LRMDA: variants seen among roughly 807,000 people sequenced by gnomAD.
LRMDA encodes the protein leucine rich melanocyte differentiation associated, also known as leucine-rich melanocyte differentiation-associated protein.
In LRMDA, 18 loss-of-function variants were observed where a neutral mutation model predicts 29.8. That is an observed-to-expected ratio of 0.60 (90% CI 0.42 to 0.90). The LOEUF (loss-of-function observed/expected upper bound fraction) is 0.90, where lower values mean the gene tolerates loss of function less well. Ranked by LOEUF, LRMDA falls within the 40% of genes least tolerant of loss-of-function variation. LRMDA has a pLI of 0.00. For synonymous variants in LRMDA, 125 were observed against 109.4 expected (o/e 1.14, Z -0.89); for missense variants, 273 against 273.9 (o/e 1.00, Z 0.02).
intron 2 of LRMDA, among the ~76,000 whole-genome samples, chr10:75,490,646 T>G (rs1844975266): frequency 6.6e-6 from 1 of 152,182 alleles, no homozygotes; most frequent in Non-Finnish European, 1.5e-5. Flanking sequence ...AGAGAGGCAT[T>G]GATTATCCCA....
At chr10:76,255,388 G>T (rs1852574948) in intron 5 of LRMDA, among the ~76,000 whole-genome samples, 1 of 152,146 alleles carries the variant, frequency 6.6e-6, no homozygotes, top group Non-Finnish European at 1.5e-5. Flanking sequence ...TGTTGGAAAT[G>T]ATACCTAGAA....
chr10:75,543,641 C>T (rs1589176086), intron 2 of LRMDA, among the ~76,000 whole-genome samples: 1 of 152,242 alleles, frequency 6.6e-6, no homozygotes, highest in African/African-American at 2.4e-5. Flanking sequence ...ATTATTTACT[C>T]CAGGATTCTG....
intron 2 of LRMDA, among the ~76,000 whole-genome samples, chr10:75,765,099 G>A (rs1036111473): frequency 2.0e-5 from 3 of 152,044 alleles, no homozygotes; most frequent in Non-Finnish European, 4.4e-5. Context: ...ATGCTGACTT[G>A]GTGAATACTT....
At chr10:76,109,576 T>C (rs1244642223) in intron 5 of LRMDA, among the ~76,000 whole-genome samples, 2 of 152,238 alleles carry the variant, frequency 1.3e-5, no homozygotes, top group Non-Finnish European at 1.5e-5. Context: ...CAGTTCTTTC[T>C]CTTTTTGCTT....
intron 6 of LRMDA, among the ~76,000 whole-genome samples, chr10:76,414,516 G>A (rs1841995319): frequency 6.6e-6 from 1 of 152,246 alleles, no homozygotes; most frequent in South Asian, 2.1e-4. Context: ...TTGAGATTAA[G>A]AATTAGTAAT....
At chr10:76,387,698 G>T (rs934130057) in intron 6 of LRMDA, among the ~76,000 whole-genome samples, 4 of 151,914 alleles carry the variant, frequency 2.6e-5, no homozygotes, top group African/African-American at 7.3e-5. Flanking sequence ...TTAAGTGAAA[G>T]CAAGATTATT....
At chr10:76,132,985 T>A (rs1296448905) in intron 5 of LRMDA, among the ~76,000 whole-genome samples, 2 of 141,140 alleles carry the variant, frequency 1.4e-5, no homozygotes, top group Non-Finnish European at 3.1e-5. Context: ...TTTTTTTTTT[T>A]TTTTTTTTTG....
intron 5 of LRMDA, among the ~76,000 whole-genome samples, chr10:76,232,455 G>C (rs1324556195): frequency 2.0e-5 from 3 of 152,200 alleles, no homozygotes; most frequent in Non-Finnish European, 2.9e-5. Flanking sequence ...CCTCTTCATA[G>C]GGGAGAAGAG....
At chr10:76,434,238 T>A (rs1350350811) in intron 6 of LRMDA, among the ~76,000 whole-genome samples, 2 of 152,140 alleles carry the variant, frequency 1.3e-5, no homozygotes, top group Non-Finnish European at 2.9e-5. Context: ...AACAGACATC[T>A]CCTCCTGCCC....
chr10:75,492,169 G>A (rs1844996350), intron 2 of LRMDA, among the ~76,000 whole-genome samples: 1 of 152,206 alleles, frequency 6.6e-6, no homozygotes, highest in South Asian at 2.1e-4. Context: ...ATGTGACCAT[G>A]GTGCCTTGGC....
chr10:75,786,359 T>C (rs2132247871), intron 2 of LRMDA, among the ~76,000 whole-genome samples: 1 of 152,214 alleles, frequency 6.6e-6, no homozygotes, highest in East Asian at 1.9e-4. Flanking sequence ...ACCTAAATGG[T>C]ATCTAGCTAA....
Position 76,005,250 on chromosome 10 carries a change from A to C in LRMDA, c.132-30758A>C, listed in dbSNP as rs534870072. ...TGCTTTCTCTTTACAATTCTGATAC[A>C]TTATGCATGTCTTTCAATACATATT... On this transcript the variant is annotated intron_variant, in intron 2 of 6. Transcript: ENST00000611255. Among the ~76,000 whole-genome samples the C allele has an allele frequency of 2.0e-5, 3 of 152,258 alleles. No homozygotes were observed. In the South Asian group the frequency reaches 6.2e-4, roughly 32 times the overall value.
chr10:75,487,560 A>G (rs1253637642), intron 2 of LRMDA, among the ~76,000 whole-genome samples: 1 of 152,186 alleles, frequency 6.6e-6, no homozygotes, highest in Non-Finnish European at 1.5e-5. Context: ...GGAGGTTTTT[A>G]AGTACAATCT....
intron 2 of LRMDA, among the ~76,000 whole-genome samples, chr10:75,578,662 A>C (rs1282555475): frequency 6.6e-6 from 1 of 152,184 alleles, no homozygotes; most frequent in Non-Finnish European, 1.5e-5. Context: ...ACCACTCCTC[A>C]GCAAATGCAA....
At chr10:75,756,759 A>G (rs981003014) in intron 2 of LRMDA, among the ~76,000 whole-genome samples, 7 of 152,138 alleles carry the variant, frequency 4.6e-5, no homozygotes, top group African/African-American at 1.7e-4. Context: ...AAGGCACAGA[A>G]ATGTTCAGTA....
chr10:76,363,174 A>AAAGAAAGAAAGAAAGG (rs1554815855), intron 6 of LRMDA, among the ~76,000 whole-genome samples: 2 of 18,386 alleles, frequency 1.1e-4, no homozygotes, highest in African/African-American at 2.2e-4. Context: ...AGAAAGAAAG[A>AAAGAAAGAAAGAAAGG]AAGGAGGGAG....
chr10:75,885,420 T>G (rs1426612879), intron 2 of LRMDA, among the ~76,000 whole-genome samples: 1 of 152,208 alleles, frequency 6.6e-6, no homozygotes, highest in East Asian at 1.9e-4. Flanking sequence ...AGGTCTCAGC[T>G]TTTCGTAAGT....
intron 2 of LRMDA, among the ~76,000 whole-genome samples, chr10:75,601,675 T>C (rs1222965878): frequency 6.6e-6 from 1 of 152,200 alleles, no homozygotes; most frequent in African/African-American, 2.4e-5. Context: ...TAATAAAAAA[T>C]TTAATAATAA....
At chr10:76,521,459 C>A (rs780243909) in intron 6 of LRMDA, among the ~76,000 whole-genome samples, 1 of 152,186 alleles carries the variant, frequency 6.6e-6, no homozygotes, top group Non-Finnish European at 1.5e-5. Flanking sequence ...TAATGACTAT[C>A]CAATGGTCCA....
Sources: gnomAD v4.1 joint callset for allele counts (sites outside exome capture counted in the v4.1 genomes callset) on GRCh38, gnomAD v4.1.1 for gene constraint, MANE v1.5 for transcripts, NCBI Gene and HGNC (gene_info 2026-07-23, HGNC 2026-07-21) for gene names.